The following HDAC11 variants were observed in gnomAD, a reference collection of about 807,000 sequenced individuals.
HDAC11 encodes histone deacetylase 11.
HDAC11 carries 23 observed loss-of-function variants against 41.1 expected under a neutral mutation model. That is an observed-to-expected ratio of 0.56 (90% CI 0.40 to 0.79). HDAC11 has a LOEUF of 0.79. Among genes scored for constraint, HDAC11 ranks in the 30% least tolerant of loss-of-function variants. The probability of loss-of-function intolerance (pLI) is 0.00; values close to 1 mark genes in which losing one functional copy is unlikely to be tolerated. For synonymous variants in HDAC11, 187 were observed against 186.6 expected, an observed-to-expected ratio of 1.00 and a Z score of -0.02; for missense variants, 402 against 477.3, an observed-to-expected ratio of 0.84 and a Z score of 1.47.
chr3:13,494,950 T>G (rs1293914422), intron 3 of HDAC11, among the ~76,000 whole-genome samples: 1 of 152,056 alleles, frequency 6.6e-6, no homozygotes, highest in Admixed American at 6.5e-5. Context: ...TCGTCACCCC[T>G]CTGCCATCAC....
chr3:13,482,717 T>A (rs1701377563), intron 2 of HDAC11, among the ~76,000 whole-genome samples: 1 of 152,180 alleles, frequency 6.6e-6, no homozygotes, highest in Non-Finnish European at 1.5e-5. Flanking sequence ...AGCCCAGAAG[T>A]TCGAGGGTGC....
intron 3 of HDAC11, among the ~76,000 whole-genome samples, chr3:13,486,267 C>CAAAAAAAAAAA (rs76727800): frequency 4.6e-5 from 3 of 65,204 alleles, no homozygotes; most frequent in African/African-American, 6.4e-5. Flanking sequence ...AACTCCATCT[C>CAAAAAAAAAAA]AAAAAAAAAA....
Position 13,480,966 on chromosome 3 carries a change from C to T in HDAC11, c.3-280C>T, listed in dbSNP as rs1701287847. 2 of 504,070 alleles carry T rather than the reference C, an allele frequency of 4.0e-6. No homozygotes were observed. Among genetic ancestry groups the T allele is most frequent in the Non-Finnish European group, 7.3e-6 (2 of 275,014 alleles). 31.2% of individuals were successfully genotyped at this position (504,070 alleles called of 1,614,324 possible). A position where few individuals can be genotyped will look rare whatever the true frequency, so the allele number is the denominator to read the frequency against. ...CACACCTGAGTGCACGCCTGCTTCT[C>T]CACAGACCTGCACTGTGACCTTGGG... On this transcript the variant is annotated intron_variant, in intron 1 of 9. Transcript: ENST00000295757. The surrounding 1 kb of genome is among the most constrained non-coding windows in gnomAD (Gnocchi z 4.6).
rs750078602 is a variant in HDAC11 at position 13,483,545 on chromosome 3, G to A, written c.233G>A (p.Arg78His). 72 of 1,613,710 alleles carry A rather than the reference G, an allele frequency of 4.5e-5. No individual in the cohort carries two copies. The highest frequency in any genetic ancestry group is 1.6e-4 in the Middle Eastern group (1 of 6,070). The change falls in exon 3 of 10, where the codon CGC becomes CAC. Residue 78 changes from arginine to histidine, a missense_variant. Transcript: ENST00000295757. ...GACCTGCTGGTGGTGCACACGAGGC[G>A]CTATCTTAATGAGCTCAAGGTACAG... ...EEDLLVVHTR[R>H]YLNELKWSFA...
intron 3 of HDAC11, among the ~76,000 whole-genome samples, chr3:13,494,218 C>CT (rs1189985559): frequency 1.3e-5 from 2 of 152,232 alleles, no homozygotes; most frequent in African/African-American, 4.8e-5. Flanking sequence ...GTCTTCCAGT[C>CT]TGTGTCCCCT....
At chr3:13,501,158 G>A (rs1702346716) in intron 6 of HDAC11, among the ~76,000 whole-genome samples, 1 of 152,210 alleles carries the variant, frequency 6.6e-6, no homozygotes, top group African/African-American at 2.4e-5. Flanking sequence ...TGGCAGTTCT[G>A]CATGCTCCAA....
intron 5 of HDAC11, among the ~76,000 whole-genome samples, 159 bp from the exon 6 acceptor site, chr3:13,500,554 T>C (rs1266671856): frequency 6.6e-6 from 1 of 152,126 alleles, no homozygotes; most frequent in African/African-American, 2.4e-5. Context: ...GATGGTGACA[T>C]GCCCCAGCAC....
At position 13,504,665 on chromosome 3, in the gene HDAC11, T is replaced by TC; in HGVS notation, c.1031dup (p.Ala345CysfsTer20). 6.2e-7 allele frequency: 1 copy of TC among 1,613,540 alleles called. No individual in the cohort carries two copies. The highest frequency in any genetic ancestry group is 8.5e-7 in the Non-Finnish European group (1 of 1,179,896). On this transcript the variant is annotated frameshift_variant, in exon 10 of 10. Transcript: ENST00000295757. LOFTEE classifies it high-confidence loss of function. ...CACAGAACTCAGACACACCGCTGCT[T>TC]CCCCCTGCAGTGCCCTGACCCTTGC... is the stretch of plus-strand genomic sequence containing the variant.
At chr3:13,497,124 G>A (rs528711394) in intron 4 of HDAC11, among the ~76,000 whole-genome samples, 7 of 151,896 alleles carry the variant, frequency 4.6e-5, no homozygotes, top group Non-Finnish European at 7.4e-5. Flanking sequence ...CCACCAAAGC[G>A]GATATCCTAG....
chr3:13,491,231 A>G (rs1456074403), intron 3 of HDAC11, among the ~76,000 whole-genome samples: 1 of 151,886 alleles, frequency 6.6e-6, no homozygotes, highest in East Asian at 1.9e-4. Flanking sequence ...TGGAACTTCC[A>G]GTACTATGTT....
In HDAC11 at chr3:13,480,991, G is replaced by A. The variant is rs1455180449; in HGVS notation, c.3-255G>A. 14 of 533,324 alleles carry A rather than the reference G, an allele frequency of 2.6e-5. No individual in the cohort carries two copies. In the South Asian group the frequency reaches 2.7e-4, roughly 10 times the overall value. The allele number at this position is 533,324 out of a possible 1,614,324, so 33.0% of individuals were successfully genotyped here. ...CCACAGACCTGCACTGTGACCTTGG[G>A]CACACCTGGTCTGCTCTCTGAGCCT... On this transcript the variant is annotated intron_variant, in intron 1 of 9. Coordinates refer to ENST00000295757, the MANE Select transcript of HDAC11 (RefSeq NM_024827.4). This position sits in a 1 kb window ranked among gnomAD's most constrained non-coding sequence, Gnocchi z 4.6.
chr3:13,500,628 C>G lies in HDAC11; in HGVS notation c.413-85C>G, dbSNP rs531567540. On this transcript the variant is annotated intron_variant, in intron 5 of 9. Coordinates refer to ENST00000295757, the MANE Select transcript of HDAC11 (RefSeq NM_024827.4). The stretch of plus-strand genomic sequence containing the variant: ...TCCTGAGAGCTGAGCAGGGAGGATG[C>G]TGGGGGAGGTGAAGGGATGGAGGAG... 43 of 1,092,864 alleles carry G rather than the reference C, an allele frequency of 3.9e-5. No homozygotes were observed. In the African/African-American group the frequency reaches 6.5e-4, roughly 17 times the overall value. 67.7% of individuals were successfully genotyped at this position (1,092,864 alleles called of 1,614,324 possible).
chr3:13,490,753 T>C (rs1293379705), intron 3 of HDAC11, among the ~76,000 whole-genome samples: 9 of 134,328 alleles, frequency 6.7e-5, no homozygotes, highest in South Asian at 2.5e-4. Context: ...TCTTTTTTTT[T>C]TTTTTTTTTT....
intron 9 of HDAC11, 91 bp downstream of exon 9, chr3:13,504,363 T>G: frequency 6.3e-7 from 1 of 1,585,132 alleles, no homozygotes; most frequent in Non-Finnish European, 8.6e-7. Context: ...AGGGAGGAGA[T>G]GGACTGAAGC....
At position 13,502,055 on chromosome 3, in the gene HDAC11, C is replaced by G; in HGVS notation, c.552+122C>G. On this transcript the variant is annotated intron_variant, in intron 7 of 9. Coordinates refer to ENST00000295757, the MANE Select transcript of HDAC11 (RefSeq NM_024827.4). The surrounding 1 kb of genome is among the most constrained non-coding windows in gnomAD (Gnocchi z 4.1). ...GGCTCTCACGGCTTCTGTCTTCTGT[C>G]TCTCGGGCTACAAATGCAGGGTCTG... 1 of 769,994 alleles carries G rather than the reference C, an allele frequency of 1.3e-6. No homozygotes were observed. Among genetic ancestry groups the G allele is most frequent in the African/African-American group, 1.7e-5 (1 of 58,662 alleles). The allele number at this position is 769,994 out of a possible 1,614,324, so 47.7% of individuals were successfully genotyped here.
intron 8 of HDAC11, 39 bp from the exon 9 acceptor site, chr3:13,504,055 C>T (rs1422128524): frequency 1.9e-6 from 3 of 1,593,534 alleles, no homozygotes; most frequent in Non-Finnish European, 2.6e-6. Flanking sequence ...CTCAGTTTCC[C>T]TTCTCTATAA....
intron 3 of HDAC11, among the ~76,000 whole-genome samples, chr3:13,484,909 C>T (rs1701488715): frequency 6.6e-6 from 1 of 152,128 alleles, no homozygotes; most frequent in Admixed American, 6.5e-5. Context: ...GTACTGCCAG[C>T]CTGCCTTGGT....
chr3:13,502,913 C>A lies in HDAC11; in HGVS notation c.582C>A (p.Asp194Glu). The change falls in exon 8 of 10, where the codon GAC (aspartate) becomes GAA (glutamate). Residue 194 changes from aspartate (D) to glutamate (E), a missense_variant. Coordinates refer to ENST00000295757, the MANE Select transcript of HDAC11 (RefSeq NM_024827.4). This position sits in a 1 kb window ranked among gnomAD's most constrained non-coding sequence, Gnocchi z 4.1. ...QGNGHERDFM[D>E]DKRVYIMDVY... ...ATGGGCATGAGCGAGACTTCATGGA[C>A]GACAAGCGTGTGTACATCATGGATG... The A allele has an allele frequency of 6.2e-7, 1 of 1,613,564 alleles. No homozygotes were observed.
At chr3:13,492,234 C>T (rs1438387075) in intron 3 of HDAC11, among the ~76,000 whole-genome samples, 1 of 152,202 alleles carries the variant, frequency 6.6e-6, no homozygotes, top group Non-Finnish European at 1.5e-5. Flanking sequence ...TGTGGCCTGG[C>T]TGTTACAGGC....
Sources: gnomAD v4.1 joint callset for allele counts (sites outside exome capture counted in the v4.1 genomes callset) on GRCh38, gnomAD v4.1.1 for gene constraint, Gnocchi (gnomAD v3.1) non-coding constraint, MANE v1.5 for transcripts, NCBI Gene and HGNC (gene_info 2026-07-23, HGNC 2026-07-21) for gene names.